TUSC3: variants seen among roughly 807,000 people sequenced by gnomAD.
TUSC3 encodes the protein dolichyl-diphosphooligosaccharide--protein glycosyltransferase subunit TUSC3.
In TUSC3, 45 loss-of-function variants were observed where a neutral mutation model predicts 44.8. That is an observed-to-expected ratio of 1.00 (90% CI 0.79 to 1.29). The LOEUF (loss-of-function observed/expected upper bound fraction) is 1.29. TUSC3 is among the 50% of genes most tolerant of loss of function. TUSC3 has a pLI of 0.00. For synonymous variants in TUSC3, 212 were observed against 152.9 expected (o/e 1.39, Z -2.85); for missense variants, 519 against 437.9 (o/e 1.19, Z -1.65).
chr8:15,713,817 G>T (rs369564763), intron 6 of TUSC3, among the ~76,000 whole-genome samples: 2 of 152,046 alleles, frequency 1.3e-5, no homozygotes, highest in African/African-American at 4.8e-5. Context: ...GGTACTGGGG[G>T]TTTTGGACTT....
intron 1 of TUSC3, among the ~76,000 whole-genome samples, chr8:15,574,004 C>T (rs1316663806): frequency 6.6e-6 from 1 of 152,092 alleles, no homozygotes; most frequent in Non-Finnish European, 1.5e-5. Context: ...CACTTCCATA[C>T]CATTTTTTGG....
At chr8:15,423,969 G>GTTTTTGTTTTTTTTTTTTTTTT in intron 1 of TUSC3, among the ~76,000 whole-genome samples, 1 of 70,394 alleles carries the variant, frequency 1.4e-5, no homozygotes, top group Admixed American at 2.1e-4. Flanking sequence ...GTTTTGCTTT[G>GTTTTTGTTTTTTTTTTTTTTTT]TTTTTTTTTT....
intron 1 of TUSC3, among the ~76,000 whole-genome samples, chr8:15,482,582 T>A (rs1479405270): frequency 6.6e-6 from 1 of 152,206 alleles, no homozygotes; most frequent in Non-Finnish European, 1.5e-5. Context: ...CTGATGAAGA[T>A]GTATAAGAAG....
intron 1 of TUSC3, among the ~76,000 whole-genome samples, chr8:15,449,321 AAAT>A (rs2129120003): frequency 6.6e-6 from 1 of 152,298 alleles, no homozygotes; most frequent in East Asian, 1.9e-4. Flanking sequence ...CATGTTCAAA[AAAT>A]GGCCGTGTTA....
chr8:15,817,039 T>C, the TUSC3 span, among the ~76,000 whole-genome samples: 70,324 of 152,074 alleles, frequency 0.46, 18,704 homozygotes, highest in Non-Finnish European at 0.61. Context: ...AACTTGCTTT[T>C]TAAAAAAAAA....
intron 4 of TUSC3, 40 bp downstream of exon 4, chr8:15,659,687 T>C (rs996654652): frequency 1.2e-5 from 20 of 1,607,362 alleles, no homozygotes; most frequent in Non-Finnish European, 1.6e-5. Flanking sequence ...ATAGGCTGGT[T>C]AGTTTGTTTT....
chr8:15,531,225 G>A (rs1801444514), intron 2 of TUSC3, among the ~76,000 whole-genome samples: 2 of 152,114 alleles, frequency 1.3e-5, no homozygotes, highest in South Asian at 4.1e-4. Context: ...CCTCTCCCAG[G>A]TGTACTTTCC....
At chr8:15,546,897 C>T (rs1041127384) in intron 1 of TUSC3, among the ~76,000 whole-genome samples, 1 of 151,566 alleles carries the variant, frequency 6.6e-6, no homozygotes, top group African/African-American at 2.4e-5. Flanking sequence ...GCCTGCCTCC[C>T]AGTTGGCCTG....
At chr8:15,781,499 C>A in the TUSC3 span, among the ~76,000 whole-genome samples, 2 of 152,040 alleles carry the variant, frequency 1.3e-5, no homozygotes, top group South Asian at 4.2e-4. Context: ...CAACTTGTTA[C>A]ATACAAGACA....
chr8:15,619,378 T>C (rs1364536301), intron 1 of TUSC3, among the ~76,000 whole-genome samples: 7 of 152,250 alleles, frequency 4.6e-5, no homozygotes, highest in Non-Finnish European at 1.0e-4. Flanking sequence ...TTCTCATTTA[T>C]AATTGCTCTC....
intron 5 of TUSC3, 152 bp from the exon 6 acceptor site, chr8:15,673,595 A>T: frequency 1.5e-6 from 1 of 667,824 alleles, no homozygotes; most frequent in Non-Finnish European, 2.7e-6. Flanking sequence ...AACTTACTCA[A>T]AGTCCCATAG....
At chr8:15,678,951 G>T (rs1383692381) in intron 6 of TUSC3, among the ~76,000 whole-genome samples, 1 of 152,124 alleles carries the variant, frequency 6.6e-6, no homozygotes, top group Non-Finnish European at 1.5e-5. Context: ...ATTTTATTGT[G>T]CTGCATAGTA....
intron 1 of TUSC3, among the ~76,000 whole-genome samples, chr8:15,469,630 C>A (rs1404710357): frequency 1.3e-5 from 2 of 152,174 alleles, no homozygotes; most frequent in Non-Finnish European, 2.9e-5. Context: ...TGTGATTCAA[C>A]AGTTATGCTC....
At chr8:15,736,819 CA>C (rs1416502854) in intron 7 of TUSC3, among the ~76,000 whole-genome samples, 2 of 152,052 alleles carry the variant, frequency 1.3e-5, no homozygotes, top group African/African-American at 4.8e-5. Context: ...TTTCCGTAGA[CA>C]GTAATGTTCC....
chr8:15,827,910 G>T, the TUSC3 span, among the ~76,000 whole-genome samples: 1 of 151,706 alleles, frequency 6.6e-6, no homozygotes, highest in Non-Finnish European at 1.5e-5. Flanking sequence ...GGCCAGAGGT[G>T]AACTGTTATG....
At chr8:15,780,930 A>G in the TUSC3 span, among the ~76,000 whole-genome samples, 7 of 152,212 alleles carry the variant, frequency 4.6e-5, no homozygotes, top group Non-Finnish European at 1.0e-4. Context: ...AGAATAGAGA[A>G]GAGGCTAAAG....
chr8:15,436,728 C>A (rs1305007814), intron 1 of TUSC3, among the ~76,000 whole-genome samples: 2 of 151,980 alleles, frequency 1.3e-5, no homozygotes, highest in East Asian at 1.9e-4. Flanking sequence ...AGAAAATGAC[C>A]AATTTCTATA....
chr8:15,444,541 C>A (rs1034658074), intron 1 of TUSC3, among the ~76,000 whole-genome samples: 16 of 152,094 alleles, frequency 1.1e-4, no homozygotes, highest in Non-Finnish European at 1.5e-5. Flanking sequence ...GATGACGAAC[C>A]TGATCAGATA....
At chr8:15,550,908 G>A (rs1164544087) in intron 1 of TUSC3, among the ~76,000 whole-genome samples, 1 of 151,712 alleles carries the variant, frequency 6.6e-6, no homozygotes, top group Non-Finnish European at 1.5e-5. Context: ...CTAACCTCGG[G>A]TGATCTGCCC....
Sources: gnomAD v4.1 joint callset for allele counts (sites outside exome capture counted in the v4.1 genomes callset) on GRCh38, gnomAD v4.1.1 for gene constraint, MANE v1.5 for transcripts, NCBI Gene and HGNC (gene_info 2026-07-23, HGNC 2026-07-21) for gene names.